Variants in PATJ observed in about 807,000 individuals in gnomAD.
PATJ encodes the protein inaD-like protein.
PATJ carries 190 observed loss-of-function variants against 224.9 expected under a neutral mutation model. The ratio of observed to expected loss-of-function variants is 0.84; its 90% CI spans 0.75 to 0.95. The LOEUF (loss-of-function observed/expected upper bound fraction) is 0.95, where lower values mean the gene tolerates loss of function less well. Among genes scored for constraint, PATJ ranks in the 40% least tolerant of loss-of-function variants. The probability of loss-of-function intolerance (pLI) is 0.00; values close to 1 mark genes in which losing one functional copy is unlikely to be tolerated. For missense variants in PATJ, 2,121 were observed against 2,270.3 expected, an observed-to-expected ratio of 0.93 and a Z score of 1.34; for synonymous variants, 769 against 820.3, an observed-to-expected ratio of 0.94 and a Z score of 1.07.
At chr1:61,970,186 A>G (rs1682765604) in intron 27 of PATJ, among the ~76,000 whole-genome samples, 1 of 151,372 alleles carries the variant, frequency 6.6e-6, no homozygotes, top group Non-Finnish European at 1.5e-5. Context: ...TACAAATTTT[A>G]TAGTTTGGAG....
chr1:62,095,390 C>A (rs1386514181), intron 33 of PATJ, among the ~76,000 whole-genome samples: 4 of 152,202 alleles, frequency 2.6e-5, no homozygotes, highest in Non-Finnish European at 2.9e-5. Context: ...GAGAAAAGTT[C>A]TTGGTCCAAA....
chr1:61,891,914 C>G (rs1195418410), intron 22 of PATJ, among the ~76,000 whole-genome samples: 2 of 152,210 alleles, frequency 1.3e-5, no homozygotes, highest in Non-Finnish European at 2.9e-5. Context: ...CAGGCAACCA[C>G]TAATCTTATT....
intron 43 of PATJ, among the ~76,000 whole-genome samples, chr1:62,156,065 A>AAG (rs1669176366): frequency 6.7e-6 from 1 of 149,370 alleles, no homozygotes; most frequent in South Asian, 2.1e-4. Flanking sequence ...AAAAAAAAAA[A>AAG]AAAAAAAAAA....
intron 31 of PATJ, among the ~76,000 whole-genome samples, chr1:62,065,609 A>G (rs575890606): frequency 6.6e-6 from 1 of 152,202 alleles, no homozygotes; most frequent in South Asian, 2.1e-4. Flanking sequence ...CTCTGTCTCA[A>G]AAAAAATAAT....
chr1:62,114,101 G>A lies in PATJ; in HGVS notation c.4510G>A (p.Ala1504Thr). 1 of 1,614,162 alleles carries A rather than the reference G, an allele frequency of 6.2e-7. No homozygotes were observed. Among genetic ancestry groups the A allele is most frequent in the South Asian group, 1.1e-5 (1 of 91,088 alleles). Residue 1504 changes from alanine (A) to threonine (T), a missense_variant, in exon 35 of 44, where the codon GCC (alanine) becomes ACC (threonine). Coordinates refer to ENST00000642238, the MANE Select transcript of PATJ (RefSeq NM_001350145.3). ...RNSSHEEAITALRQTPQKVRL... is the reference protein window; with the variant it reads ...RNSSHEEAITTLRQTPQKVRL... Reference sequence around the variant, plus strand: ...CTCCAGCCACGAAGAAGCCATCACAGCCCTGAGGCAGACCCCCCAGAAGGT... The same window carrying A: ...CTCCAGCCACGAAGAAGCCATCACAACCCTGAGGCAGACCCCCCAGAAGGT...
At chr1:61,927,905 A>G (rs1675460543) in intron 27 of PATJ, 76 bp downstream of exon 27, 2 of 1,030,666 alleles carry the variant, frequency 1.9e-6, no homozygotes, top group Admixed American at 4.5e-5. Context: ...TAAATTATCA[A>G]ATATATGGCT....
chr1:62,024,577 C>A (rs1015650008), intron 29 of PATJ, among the ~76,000 whole-genome samples: 1 of 150,666 alleles, frequency 6.6e-6, no homozygotes, highest in Non-Finnish European at 1.5e-5. Context: ...TGCTTTTTTT[C>A]TTTTTTGCTG....
chr1:61,755,354 C>A (rs1645579709), intron 1 of PATJ, among the ~76,000 whole-genome samples: 2 of 151,118 alleles, frequency 1.3e-5, no homozygotes, highest in South Asian at 4.2e-4. Flanking sequence ...AAAACTTTAC[C>A]ATTTTTACCT....
chr1:61,913,263 C>A (rs1672958698), intron 25 of PATJ, among the ~76,000 whole-genome samples: 1 of 152,032 alleles, frequency 6.6e-6, no homozygotes, highest in Admixed American at 6.6e-5. Context: ...GAATCAGGAT[C>A]TTGCCCTGTC....
At chr1:62,148,236 T>G in intron 41 of PATJ, 48 bp from the exon 42 acceptor site, 3 of 1,284,568 alleles carry the variant, frequency 2.3e-6, no homozygotes, top group Non-Finnish European at 3.4e-6. Context: ...GTTTCTCTAA[T>G]TCTCCCCTTC....
At chr1:61,797,214 T>C in intron 10 of PATJ, 73 bp from the exon 11 acceptor site, 1 of 1,481,790 alleles carries the variant, frequency 6.7e-7, no homozygotes, top group Non-Finnish European at 9.3e-7. Context: ...TGCCTCATTT[T>C]ATTCAGTGTT....
chr1:62,057,015 C>A (rs1173966826), intron 31 of PATJ, among the ~76,000 whole-genome samples: 1 of 152,082 alleles, frequency 6.6e-6, no homozygotes, highest in African/African-American at 2.4e-5. Flanking sequence ...TTAGTTGAGA[C>A]AGGGTTTCAC....
At chr1:61,963,141 C>A (rs1396855459) in intron 27 of PATJ, among the ~76,000 whole-genome samples, 1 of 115,018 alleles carries the variant, frequency 8.7e-6, no homozygotes, top group Non-Finnish European at 2.1e-5. Flanking sequence ...AGGATTTCCA[C>A]TGGTAGGTTA....
intron 28 of PATJ, among the ~76,000 whole-genome samples, chr1:62,016,929 G>T (rs919914389): frequency 1.7e-4 from 26 of 152,186 alleles, no homozygotes; most frequent in Non-Finnish European, 3.1e-4. Flanking sequence ...TAAGGAATCT[G>T]GGAAAGCTGT....
intron 11 of PATJ, among the ~76,000 whole-genome samples, chr1:61,800,946 A>G (rs781015175): frequency 6.6e-6 from 1 of 152,214 alleles, no homozygotes; most frequent in Non-Finnish European, 1.5e-5. Context: ...TCCATCGTGT[A>G]TATGTGCCAC....
chr1:61,910,089 G>A (rs978223366), intron 25 of PATJ, among the ~76,000 whole-genome samples: 12 of 152,118 alleles, frequency 7.9e-5, no homozygotes, highest in African/African-American at 2.4e-4. Context: ...TATAGTTGAG[G>A]CCATGGCTTT....
chr1:62,083,605 A>G (rs1321547549), intron 32 of PATJ, among the ~76,000 whole-genome samples: 2 of 152,240 alleles, frequency 1.3e-5, no homozygotes, highest in South Asian at 2.1e-4. Context: ...TAAAAAAGCA[A>G]TAACTTTTAA....
chr1:62,083,765 A>G (rs1326422888), intron 32 of PATJ, among the ~76,000 whole-genome samples: 1 of 152,140 alleles, frequency 6.6e-6, no homozygotes, highest in Non-Finnish European at 1.5e-5. Context: ...TAAATTCTTT[A>G]TACATCTTAA....
chr1:61,947,374 A>C (rs917311617), intron 27 of PATJ, among the ~76,000 whole-genome samples: 1 of 152,224 alleles, frequency 6.6e-6, no homozygotes, highest in Non-Finnish European at 1.5e-5. Context: ...GCAAAGTCTC[A>C]GGATACAAAA....
Sources: allele counts gnomAD v4.1 joint callset (sites outside exome capture counted in the v4.1 genomes callset), GRCh38; gene constraint gnomAD v4.1.1; transcripts MANE v1.5; gene names NCBI Gene and HGNC (gene_info 2026-07-23, HGNC 2026-07-21).